CCDC68: variants seen among roughly 807,000 people sequenced by gnomAD.
The protein encoded by CCDC68 is coiled-coil domain-containing protein 68.
Under a neutral mutation model 47.1 loss-of-function variants are expected in CCDC68, and 45 were observed. The ratio of observed to expected loss-of-function variants is 0.96; its 90% confidence interval spans 0.75 to 1.23. The LOEUF (loss-of-function observed/expected upper bound fraction) is 1.23, where lower values mean the gene tolerates loss of function less well. Among genes scored for constraint, CCDC68 ranks in the 50% most tolerant of loss-of-function variants. The probability of loss-of-function intolerance (pLI) is 0.00; values close to 1 mark genes in which losing one functional copy is unlikely to be tolerated. For missense variants in CCDC68, 353 were observed against 373.6 expected, an observed-to-expected ratio of 0.94 and a Z score of 0.45; for synonymous variants, 131 against 129.5, an observed-to-expected ratio of 1.01 and a Z score of -0.08.
chr18:54,918,516 G>C (rs2043994757), intron 9 of CCDC68, among the ~76,000 whole-genome samples: 1 of 152,160 alleles, frequency 6.6e-6, no homozygotes, highest in Non-Finnish European at 1.5e-5. Flanking sequence ...ACCAACTTTG[G>C]CACCACTAGC....
chr18:54,907,646 C>A, intron 11 of CCDC68, 140 bp downstream of exon 11: 1 of 603,192 alleles, frequency 1.7e-6, no homozygotes. Context: ...TAACACAGTT[C>A]TGAATAGAAA....
chr18:54,940,646 G>T (rs1392953625), intron 4 of CCDC68, among the ~76,000 whole-genome samples: 1 of 152,162 alleles, frequency 6.6e-6, no homozygotes. Context: ...CTCAACTCAG[G>T]CCTAAAAGCT....
At chr18:54,958,185 T>G (rs1009694286) in intron 1 of CCDC68, 1 of 152,234 alleles carries the variant, frequency 6.6e-6, no homozygotes, top group African/African-American at 2.4e-5. Context: ...TTGTTTTCAT[T>G]CTTTCTGCAA....
chr18:54,950,940 G>T (rs1429306894), intron 1 of CCDC68, among the ~76,000 whole-genome samples: 3 of 106,052 alleles, frequency 2.8e-5, no homozygotes, highest in African/African-American at 1.1e-4. Flanking sequence ...ACGGAGTCTC[G>T]CTCTGTCGCC....
At chr18:54,958,134 C>T (rs528467446) in intron 1 of CCDC68, 3 of 152,324 alleles carry the variant, frequency 2.0e-5, no homozygotes, top group South Asian at 4.1e-4. Flanking sequence ...CTTCTTATGA[C>T]GTCGGCCTTA....
chr18:54,918,766 C>T (rs1001012743), intron 9 of CCDC68, among the ~76,000 whole-genome samples: 6 of 152,172 alleles, frequency 3.9e-5, no homozygotes, highest in Non-Finnish European at 7.3e-5. Context: ...CAGATCAATG[C>T]ATATCTTGAA....
chr18:54,906,701 G>T (rs6566947), intron 11 of CCDC68, among the ~76,000 whole-genome samples: 2 of 152,288 alleles, frequency 1.3e-5, no homozygotes, highest in East Asian at 3.9e-4. Context: ...GAAGTGACTC[G>T]ACTCTCCCTG....
chr18:54,931,431 A>G (rs1257676087), intron 7 of CCDC68, among the ~76,000 whole-genome samples: 1 of 152,174 alleles, frequency 6.6e-6, no homozygotes, highest in Non-Finnish European at 1.5e-5. Context: ...ACCAATTTCA[A>G]TCATTGCCAA....
chr18:54,921,887 C>T (rs1156573665), intron 8 of CCDC68, among the ~76,000 whole-genome samples: 1 of 152,168 alleles, frequency 6.6e-6, no homozygotes. Context: ...ATTTAAAGGA[C>T]CCCATACCTG....
At chr18:54,932,159 C>T (rs2044274982) in intron 7 of CCDC68, among the ~76,000 whole-genome samples, 1 of 150,216 alleles carries the variant, frequency 6.7e-6, no homozygotes, top group Non-Finnish European at 1.5e-5. Flanking sequence ...GCTTGTTTCA[C>T]AAATATAAAA....
chr18:54,931,590 G>C (rs189680039), intron 7 of CCDC68, among the ~76,000 whole-genome samples: 19 of 152,334 alleles, frequency 1.2e-4, no homozygotes, highest in Non-Finnish European at 2.4e-4. Flanking sequence ...ATAAAATGAT[G>C]ATGAGGAACT....
At chr18:54,922,987 C>CAAAAAAAA (rs1183607769) in intron 8 of CCDC68, among the ~76,000 whole-genome samples, 5 of 40,028 alleles carry the variant, frequency 1.2e-4, no homozygotes, top group Non-Finnish European at 2.0e-4. Flanking sequence ...GACTCCGTCT[C>CAAAAAAAA]AAAAAAAAAA....
At chr18:54,942,647 A>G in intron 3 of CCDC68, 28 bp downstream of exon 3, 2 of 1,302,332 alleles carry the variant, frequency 1.5e-6, no homozygotes, top group Non-Finnish European at 1.1e-6. Flanking sequence ...AAATCATATC[A>G]TACTAATGAT....
At chr18:54,922,418 C>T (rs866671867) in intron 8 of CCDC68, among the ~76,000 whole-genome samples, 10 of 151,950 alleles carry the variant, frequency 6.6e-5, no homozygotes, top group Non-Finnish European at 1.3e-4. Context: ...TGGGAGTGTG[C>T]GAGAGGCAGG....
In CCDC68 at chr18:54,919,274, C is replaced by T. The variant is rs1225578465; in HGVS notation, c.786G>A (p.Gln262=). The T allele has an allele frequency of 6.2e-7, 1 of 1,612,000 alleles. No individual in the cohort carries two copies. Among genetic ancestry groups the T allele is most frequent in the Admixed American group, 1.7e-5 (1 of 60,020 alleles). ...AAATACACTTGATTAATCTGACCTC[C>T]TGGATGACACTGCGCAGGTTCTGAT... The part of the protein sequence containing the change: ...SQHQNLRSVI[Q]EMEGLKNNLK... Residue 262 remains glutamine, a synonymous_variant, in exon 9 of 12, where the codon CAG becomes CAA. Coordinates refer to ENST00000591504, the MANE Select transcript of CCDC68 (RefSeq NM_025214.3).
intron 10 of CCDC68, among the ~76,000 whole-genome samples, chr18:54,916,712 T>A (rs1376747921): frequency 1.3e-5 from 2 of 152,084 alleles, no homozygotes; most frequent in African/African-American, 4.8e-5. Flanking sequence ...GGCAGGGGCA[T>A]CGCCAGCAGA....
At chr18:54,935,480 C>G (rs566188973) in intron 6 of CCDC68, among the ~76,000 whole-genome samples, 2 of 152,308 alleles carry the variant, frequency 1.3e-5, no homozygotes, top group East Asian at 1.9e-4. Context: ...TGTTACTCTT[C>G]TGTGTGTGTA....
chr18:54,923,109 A>G (rs2044090108), intron 8 of CCDC68, among the ~76,000 whole-genome samples: 1 of 152,156 alleles, frequency 6.6e-6, no homozygotes, highest in South Asian at 2.1e-4. Flanking sequence ...AAAAGATAAA[A>G]ATAACAGAAA....
Position 54,904,434 on chromosome 18 carries a change from G to C in CCDC68, c.951-19C>G, listed in dbSNP as rs370115623. The stretch of plus-strand genomic sequence containing the variant: ...CAATTCACTGTAGAAAAGACAACAC[G>C]ATGATCAAAATGGAGAATGTTAAAC... On this transcript the variant is annotated intron_variant, in intron 11 of 11. Coordinates refer to ENST00000591504, the MANE Select transcript of CCDC68 (RefSeq NM_025214.3). 1.7e-5 allele frequency: 28 copies of C among 1,602,756 alleles called. No individual in the cohort carries two copies. The East Asian group carries it at 3.8e-4, about 22-fold the overall frequency.
Sources: gnomAD v4.1 joint callset for allele counts (sites outside exome capture counted in the v4.1 genomes callset) on GRCh38, gnomAD v4.1.1 for gene constraint, MANE v1.5 for transcripts, NCBI Gene and HGNC (gene_info 2026-07-23, HGNC 2026-07-21) for gene names.